WDPCP: variants seen among roughly 807,000 people sequenced by gnomAD.
The protein encoded by WDPCP is WD repeat containing planar cell polarity effector, also known as WD repeat-containing and planar cell polarity effector protein fritz homolog.
A neutral mutation model predicts 93.1 loss-of-function variants in WDPCP; 71 were observed. The ratio of observed to expected loss-of-function variants is 0.76; its 90% CI spans 0.63 to 0.93. The LOEUF (loss-of-function observed/expected upper bound fraction) is 0.93, where lower values mean the gene tolerates loss of function less well. Among genes scored for constraint, WDPCP ranks in the 40% least tolerant of loss-of-function variants. The pLI, the probability that WDPCP is intolerant of heterozygous loss-of-function variation, is 0.00. For synonymous variants in WDPCP, 315 were observed against 315.0 expected (o/e 1.00, Z 0.00); for missense variants, 844 against 887.4 (o/e 0.95, Z 0.62).
chr2:63,579,167 C>A (rs1708320136), intron 1 of WDPCP, among the ~76,000 whole-genome samples: 1 of 152,110 alleles, frequency 6.6e-6, no homozygotes, highest in Admixed American at 6.6e-5. Context: ...CAACAGTGCC[C>A]CACACATAAA....
intron 1 of WDPCP, among the ~76,000 whole-genome samples, chr2:63,553,355 G>C (rs1021696608): frequency 6.6e-6 from 1 of 152,138 alleles, no homozygotes; most frequent in Non-Finnish European, 1.5e-5. Context: ...GTACGTGTTA[G>C]AGCCAGTTAT....
rs188039665 is a variant in WDPCP, at chr2:63,703,450, A to G, written n.309-52612T>C. Among the ~76,000 whole-genome samples, 775 of 152,148 alleles carry G rather than the reference A, an allele frequency of 5.1e-3. 27 individuals are homozygous for G. The highest frequency in any genetic ancestry group is 0.042 in the Admixed American group (646 of 15,290). The stretch of plus-strand genomic sequence containing the variant: ...GAGATGGTATCTCATTGTGGTTTTG[A>G]TTTGCATTTCTCTGATGGCCAGTGA... On this transcript the variant is annotated intron_variant and non_coding_transcript_variant, in intron 2 of 4. Transcript: ENST00000467687.
At chr2:63,268,821 A>T (rs1472336803) in intron 13 of WDPCP, among the ~76,000 whole-genome samples, 1 of 152,148 alleles carries the variant, frequency 6.6e-6, no homozygotes, top group Non-Finnish European at 1.5e-5. Flanking sequence ...ATAAAAAATA[A>T]ATTGGTAAGG....
chr2:63,450,459 G>C (rs921922380), intron 6 of WDPCP, among the ~76,000 whole-genome samples: 1 of 152,050 alleles, frequency 6.6e-6, no homozygotes, highest in African/African-American at 2.4e-5. Context: ...GCTGCCCGGG[G>C]ACTCATGAAC....
chr2:63,741,227 C>G (rs74986078), intron 2 of WDPCP, among the ~76,000 whole-genome samples: 5,836 of 152,152 alleles, frequency 0.038, 150 homozygotes, highest in Middle Eastern at 0.065. Context: ...AATACTGAGA[C>G]AAAGCACTTA....
intron 12 of WDPCP, among the ~76,000 whole-genome samples, chr2:63,325,085 TGGCAACCTCGGG>T (rs1687429995): frequency 6.6e-6 from 1 of 152,176 alleles, no homozygotes; most frequent in East Asian, 1.9e-4. Flanking sequence ...TTATTAAACC[TGGCAACCTCGGG>T]GTTCTATAAT....
At chr2:63,356,345 C>T (rs1294414984) in intron 12 of WDPCP, among the ~76,000 whole-genome samples, 6 of 152,186 alleles carry the variant, frequency 3.9e-5, no homozygotes, top group African/African-American at 1.2e-4. Context: ...CTTCAACACT[C>T]CACTAACAGT....
intron 3 of WDPCP, among the ~76,000 whole-genome samples, chr2:63,618,486 CT>C (rs1278021325): frequency 2.0e-5 from 3 of 152,118 alleles, no homozygotes; most frequent in Non-Finnish European, 2.9e-5. Context: ...AATTCATTTA[CT>C]GCAATTGTGA....
At chr2:63,243,358 G>C (rs1273242665) in intron 14 of WDPCP, among the ~76,000 whole-genome samples, 1 of 151,838 alleles carries the variant, frequency 6.6e-6, no homozygotes, top group African/African-American at 2.4e-5. Flanking sequence ...CATGTCCTTT[G>C]CCCACTTTTA....
intron 9 of WDPCP, among the ~76,000 whole-genome samples, chr2:63,412,599 T>C (rs1193275304): frequency 6.6e-6 from 1 of 152,166 alleles, no homozygotes; most frequent in African/African-American, 2.4e-5. Context: ...TGTCACTGTT[T>C]GCTGACAACA....
chr2:63,233,201 TC>T (rs1037099384), intron 14 of WDPCP: 3 of 153,890 alleles, frequency 1.9e-5, no homozygotes, highest in African/African-American at 7.2e-5. Flanking sequence ...AGATCTTTTT[TC>T]ACCGGTTTGT....
chr2:63,120,977 C>T lies in WDPCP; in HGVS notation c.*1029G>A, dbSNP rs911776907. ...ATGGATGCTGTTAGAAGACATGAGA[C>T]TCCTGAGTCAGAGACAAATGATAGT... On this transcript the variant is annotated 3_prime_UTR_variant, in exon 18 of 18. Coordinates refer to ENST00000272321, the MANE Select transcript of WDPCP (RefSeq NM_015910.7). Among the ~76,000 whole-genome samples, 3 of 152,168 alleles carry T rather than the reference C, an allele frequency of 2.0e-5. No homozygotes were observed. Among genetic ancestry groups the T allele is most frequent in the African/African-American group, 7.2e-5 (3 of 41,440 alleles).
chr2:63,404,069 C>T lies in WDPCP; in HGVS notation c.1414G>A (p.Gly472Ser). The T allele has an allele frequency of 1.2e-6, 2 of 1,613,990 alleles. No individual in the cohort carries two copies. Among genetic ancestry groups the T allele is most frequent in the Admixed American group, 1.7e-5 (1 of 59,996 alleles). Residue 472 changes from glycine (G) to serine (S), a missense_variant, in exon 10 of 18, where the codon GGT becomes AGT. Physicochemically the swap from Gly to Ser is moderately conservative, Grantham distance 56. Transcript: ENST00000272321. ...LFLRFERGPL[G>S]VLLFKLGVFT... ...TTACCTAGTTTAAACAACAGCACAC[C>T]CAAAGGTCCTCTTTCAAACCTGAGG... is the stretch of plus-strand genomic sequence containing the variant.
At chr2:63,261,558 C>T (rs1368903112) in intron 13 of WDPCP, among the ~76,000 whole-genome samples, 1 of 151,992 alleles carries the variant, frequency 6.6e-6, no homozygotes, top group East Asian at 1.9e-4. Flanking sequence ...AACAGATGAA[C>T]GTCAGCTAAA....
At chr2:63,389,656 C>A (rs1157729272) in intron 10 of WDPCP, among the ~76,000 whole-genome samples, 1 of 152,118 alleles carries the variant, frequency 6.6e-6, no homozygotes, top group Non-Finnish European at 1.5e-5. Context: ...AGACCCATCT[C>A]ACGTGCAGAG....
chr2:63,591,779 C>T (rs1709206074), upstream of WDPCP, among the ~76,000 whole-genome samples: 1 of 152,204 alleles, frequency 6.6e-6, no homozygotes, highest in African/African-American at 2.4e-5. Context: ...TAGAAAACCA[C>T]AGGCTATTAA....
intron 2 of WDPCP, among the ~76,000 whole-genome samples, chr2:63,714,148 C>T (rs1480003050): frequency 6.6e-6 from 1 of 151,444 alleles, no homozygotes; most frequent in African/African-American, 2.4e-5. Context: ...TTCTGCCTCC[C>T]GGGTTCAAGT....
intron 3 of WDPCP, chr2:63,597,207 ATC>A: frequency 1.2e-6 from 1 of 868,860 alleles, no homozygotes; most frequent in Non-Finnish European, 1.4e-6. Flanking sequence ...AGCAAAATAA[ATC>A]TATTGACATT....
chr2:63,631,827 A>T (rs1334344474), intron 3 of WDPCP, among the ~76,000 whole-genome samples: 4 of 152,186 alleles, frequency 2.6e-5, no homozygotes, highest in South Asian at 2.1e-4. Context: ...CTGCTCAGGA[A>T]CTCAATAGCC....
Sources: allele counts gnomAD v4.1 joint callset (sites outside exome capture counted in the v4.1 genomes callset), GRCh38; gene constraint gnomAD v4.1.1; transcripts MANE v1.5; gene names NCBI Gene and HGNC (gene_info 2026-07-23, HGNC 2026-07-21).